PARD3: variants seen among roughly 807,000 people sequenced by gnomAD.
PARD3 encodes par-3 family cell polarity regulator.
Under a neutral mutation model 155.4 loss-of-function variants are expected in PARD3, and 75 were observed. That is an observed-to-expected ratio of 0.48 (90% CI 0.40 to 0.58). The LOEUF (loss-of-function observed/expected upper bound fraction) is 0.58. Among genes scored for constraint, PARD3 ranks in the 20% least tolerant of loss-of-function variants. The probability of loss-of-function intolerance (pLI) is 0.00; values close to 1 mark genes in which losing one functional copy is unlikely to be tolerated. For synonymous variants in PARD3, 576 were observed against 610.5 expected (o/e 0.94, Z 0.83); for missense variants, 1,642 against 1,721.7 (o/e 0.95, Z 0.82).
Position 34,320,657 on chromosome 10 carries a change from G to T in PARD3, c.2834-3319C>A, listed in dbSNP as rs541708258. On this transcript the variant is annotated intron_variant, in intron 19 of 24. Coordinates refer to ENST00000374788, the MANE Select transcript of PARD3 (RefSeq NM_001184785.2). The stretch of plus-strand genomic sequence containing the variant: ...TATTCAAAATAATTTTCTGGTGTAT[G>T]TAACACAACTTATTTTCTAAAGTAT... 1.6e-3 allele frequency among the ~76,000 whole-genome samples: 246 copies of T among 152,290 alleles called. 2 individuals carry two copies. Among genetic ancestry groups the T allele is most frequent in the African/African-American group, 5.7e-3 (236 of 41,562 alleles).
intron 22 of PARD3, among the ~76,000 whole-genome samples, chr10:34,146,113 T>C (rs1430710142): frequency 6.6e-6 from 1 of 152,230 alleles, no homozygotes; most frequent in Non-Finnish European, 1.5e-5. Flanking sequence ...AGAGTTACTA[T>C]TTCTATATCT....
chr10:34,325,812 T>C (rs1479795598), intron 19 of PARD3, among the ~76,000 whole-genome samples: 1 of 151,748 alleles, frequency 6.6e-6, no homozygotes, highest in African/African-American at 2.4e-5. Flanking sequence ...TAGTCAAATA[T>C]ATAGATACTA....
At chr10:34,736,193 G>A (rs970674897) in intron 1 of PARD3, among the ~76,000 whole-genome samples, 5 of 151,608 alleles carry the variant, frequency 3.3e-5, no homozygotes, top group Admixed American at 6.6e-5. Context: ...CACCACACCC[G>A]CTAATTTTTT....
chr10:34,508,699 T>C (rs1328413945), intron 3 of PARD3, among the ~76,000 whole-genome samples: 2 of 152,202 alleles, frequency 1.3e-5, no homozygotes, highest in South Asian at 4.1e-4. Context: ...ATCACAGACA[T>C]GGTTCCAATT....
At chr10:34,726,706 T>C (rs558609973) in intron 1 of PARD3, among the ~76,000 whole-genome samples, 1 of 149,860 alleles carries the variant, frequency 6.7e-6, no homozygotes, top group African/African-American at 2.5e-5. Flanking sequence ...GAGGCTACAG[T>C]GAACTGAGAA....
intron 1 of PARD3, among the ~76,000 whole-genome samples, chr10:34,708,968 T>C (rs2094409543): frequency 6.6e-6 from 1 of 152,164 alleles, no homozygotes; most frequent in Non-Finnish European, 1.5e-5. Flanking sequence ...TGTTCTGAAG[T>C]ATTTAAAGTG....
At chr10:34,122,190 A>G (rs1304770575) in intron 23 of PARD3, among the ~76,000 whole-genome samples, 1 of 152,256 alleles carries the variant, frequency 6.6e-6, no homozygotes, top group Non-Finnish European at 1.5e-5. Flanking sequence ...GGCATTCTGC[A>G]GCAGGATTTA....
At chr10:34,367,603 C>T (rs1454199599) in intron 12 of PARD3, among the ~76,000 whole-genome samples, 1 of 152,106 alleles carries the variant, frequency 6.6e-6, no homozygotes, top group African/African-American at 2.4e-5. Context: ...ACTCGGGAGG[C>T]TAAGGCAGGA....
At chr10:34,320,053 C>T (rs1229401958) in intron 19 of PARD3, among the ~76,000 whole-genome samples, 1 of 152,124 alleles carries the variant, frequency 6.6e-6, no homozygotes, top group Non-Finnish European at 1.5e-5. Flanking sequence ...ATACATGTCT[C>T]CCTCCCATTC....
At chr10:34,450,787 C>T (rs1339003485) in intron 4 of PARD3, among the ~76,000 whole-genome samples, 1 of 152,194 alleles carries the variant, frequency 6.6e-6, no homozygotes, top group Non-Finnish European at 1.5e-5. Flanking sequence ...ACAAGACTTT[C>T]ACTCTCTCTC....
At chr10:34,660,555 C>A (rs540455879) in intron 2 of PARD3, among the ~76,000 whole-genome samples, 1 of 152,146 alleles carries the variant, frequency 6.6e-6, no homozygotes, top group African/African-American at 2.4e-5. Context: ...ACACAGCAGC[C>A]CTCATCACAC....
In PARD3 at chr10:34,460,151, T is replaced by C. The variant is rs1486226727; in HGVS notation, c.583-9703A>G. 1.8e-4 allele frequency among the ~76,000 whole-genome samples: 27 copies of C among 152,208 alleles called. 1 individual carries two copies. The highest frequency in any genetic ancestry group is 1.8e-3 in the Admixed American group (27 of 15,282). On this transcript the variant is annotated intron_variant, in intron 4 of 24. Transcript: ENST00000374788. The stretch of plus-strand genomic sequence containing the variant: ...ACTTCTAAAGAACTGAGTTCCTCTC[T>C]ACCACCCCATTAGCAGAAAAAGCAT...
intron 1 of PARD3, among the ~76,000 whole-genome samples, chr10:34,771,629 T>G (rs775335402): frequency 1.7e-4 from 26 of 152,250 alleles, no homozygotes; most frequent in Non-Finnish European, 3.1e-4. Flanking sequence ...TTCTTTGGTG[T>G]CTGGTTTTGA....
intron 2 of PARD3, among the ~76,000 whole-genome samples, chr10:34,567,508 T>C (rs1431620909): frequency 1.3e-5 from 2 of 152,206 alleles, no homozygotes. Context: ...TTGAGTCCTT[T>C]GGCGGCATTT....
intron 5 of PARD3, among the ~76,000 whole-genome samples, chr10:34,412,953 T>G (rs1481673943): frequency 6.6e-5 from 10 of 152,096 alleles, no homozygotes; most frequent in African/African-American, 2.4e-4. Context: ...AGATTTGAAA[T>G]ATTTGTTGAG....
chr10:34,255,506 T>C (rs1384182783), intron 22 of PARD3, among the ~76,000 whole-genome samples: 1 of 152,196 alleles, frequency 6.6e-6, no homozygotes, highest in Non-Finnish European at 1.5e-5. Flanking sequence ...ACTAAAAAAT[T>C]ACTGCTTTTC....
chr10:34,735,864 T>C (rs555089999), intron 1 of PARD3, among the ~76,000 whole-genome samples: 1 of 152,242 alleles, frequency 6.6e-6, no homozygotes, highest in Non-Finnish European at 1.5e-5. Flanking sequence ...TTTATATATA[T>C]GGTATACACT....
intron 20 of PARD3, chr10:34,312,322 T>C (rs1957744103): frequency 6.2e-7 from 1 of 1,611,466 alleles, no homozygotes; most frequent in South Asian, 1.1e-5. Context: ...ATATGTGCTG[T>C]TCAAGACATG....
At position 34,369,308 on chromosome 10, in the gene PARD3, ATTTAT is replaced by A. The variant is rs766604177; in HGVS notation, c.1707+3185_1707+3189del. 9.0e-3 allele frequency among the ~76,000 whole-genome samples: 723 copies of A among 80,014 alleles called. 4 individuals carry two copies. Among genetic ancestry groups the A allele is most frequent in the African/African-American group, 0.035 (696 of 19,610 alleles). The allele number at this position is 80,014 out of a possible 152,430, so 52.5% of individuals were successfully genotyped here. A position where few individuals can be genotyped will look rare whatever the true frequency, so the allele number is the denominator to read the frequency against. ...ATTATGAGATTTTTGTGATTTATTTATTTATTTGTTTATTTATTTATTTATTTATT... is the reference window on the plus strand; with the variant it reads ...ATTATGAGATTTTTGTGATTTATTTATTGTTTATTTATTTATTTATTTATT... On this transcript the variant is annotated intron_variant, in intron 12 of 24. Transcript: ENST00000374788.
Sources: allele counts gnomAD v4.1 joint callset (sites outside exome capture counted in the v4.1 genomes callset), GRCh38; gene constraint gnomAD v4.1.1; transcripts MANE v1.5; gene names NCBI Gene and HGNC (gene_info 2026-07-23, HGNC 2026-07-21).